Variants in AFG2B observed in about 807,000 individuals in gnomAD.
AFG2B encodes the protein ATPase family gene 2 protein homolog B.
At chr15:45,416,502 T>C in the AFG2B span, among the ~76,000 whole-genome samples, 1 of 152,194 alleles carries the variant, frequency 6.6e-6, no homozygotes, top group Non-Finnish European at 1.5e-5. Context: ...ATTTTAAAAA[T>C]TGTCATATGG....
At chr15:45,419,328 G>C in the AFG2B span, among the ~76,000 whole-genome samples, 1 of 152,008 alleles carries the variant, frequency 6.6e-6, no homozygotes, top group South Asian at 2.1e-4. Flanking sequence ...TCCCAGCTAC[G>C]TGGGGGACTA....
At chr15:45,414,776 C>T in the AFG2B span, 1 of 1,613,598 alleles carries the variant, frequency 6.2e-7, no homozygotes, top group Non-Finnish European at 8.5e-7. Flanking sequence ...AAAGTGTTGT[C>T]TCAGGTTTGT....
chr15:45,410,084 G>A, the AFG2B span, among the ~76,000 whole-genome samples: 1 of 152,168 alleles, frequency 6.6e-6, no homozygotes, highest in African/African-American at 2.4e-5. Context: ...AGTACAGGCT[G>A]ATATAGTATG....
the AFG2B span, among the ~76,000 whole-genome samples, chr15:45,410,028 G>T: frequency 2.0e-5 from 3 of 152,228 alleles, no homozygotes; most frequent in Admixed American, 2.0e-4. Flanking sequence ...ACGTAGAACT[G>T]TGTTAGTTGA....
the AFG2B span, among the ~76,000 whole-genome samples, chr15:45,411,445 G>C: frequency 6.6e-6 from 1 of 152,256 alleles, no homozygotes; most frequent in South Asian, 2.1e-4. Flanking sequence ...GCCCCACCAA[G>C]TAGCTGGGAC....
chr15:45,414,839 G>T, the AFG2B span: 1 of 1,429,928 alleles, frequency 7.0e-7, no homozygotes, highest in Non-Finnish European at 9.6e-7. Context: ...CATTTCTTAT[G>T]GACAAACCTT....
chr15:45,421,365 G>T, the AFG2B span: 1 of 472,208 alleles, frequency 2.1e-6, no homozygotes, highest in South Asian at 4.3e-5. Flanking sequence ...GATAAGCTAA[G>T]GCTCATTTAT....
chr15:45,404,077 A>G, the AFG2B span, among the ~76,000 whole-genome samples: 6 of 152,160 alleles, frequency 3.9e-5, no homozygotes, highest in African/African-American at 1.4e-4. Context: ...GTTGTCAGGG[A>G]GGTTGAATAT....
At chr15:45,418,823 A>G in the AFG2B span, 24 of 1,132,542 alleles carry the variant, frequency 2.1e-5, no homozygotes, top group Admixed American at 2.3e-4. Flanking sequence ...TCCCTCACAC[A>G]GCTTATTGTA....
the AFG2B span, chr15:45,415,637 A>T: frequency 6.2e-7 from 1 of 1,614,154 alleles, no homozygotes. Context: ...TTTTGGATGA[A>T]ATTGATTCAA....
the AFG2B span, among the ~76,000 whole-genome samples, chr15:45,409,374 C>CAAA: frequency 2.4e-5 from 2 of 83,624 alleles, no homozygotes. Context: ...GAGACCCCGC[C>CAAA]AAAAAAAAAA....
At chr15:45,414,700 T>C in the AFG2B span, 4 of 1,614,082 alleles carry the variant, frequency 2.5e-6, no homozygotes, top group Admixed American at 5.0e-5. Flanking sequence ...GGCCACAAGC[T>C]GTCACTGCTC....
the AFG2B span, chr15:45,410,604 C>T: frequency 7.0e-7 from 1 of 1,418,650 alleles, no homozygotes; most frequent in Non-Finnish European, 9.5e-7. Context: ...TGACAACATA[C>T]TGCGCTGAAA....
At chr15:45,402,669 C>T in the AFG2B span, 3 of 1,577,934 alleles carry the variant, frequency 1.9e-6, no homozygotes, top group South Asian at 1.1e-5. Flanking sequence ...TGTGCGCGAG[C>T]CCCGGGGCGG....
chr15:45,415,707 G>A, the AFG2B span: 1 of 1,614,120 alleles, frequency 6.2e-7, no homozygotes, highest in Non-Finnish European at 8.5e-7. Flanking sequence ...AGTTCTTTCT[G>A]TTCTCCTGAA....
chr15:45,420,123 C>T, the AFG2B span, among the ~76,000 whole-genome samples: 1 of 151,580 alleles, frequency 6.6e-6, no homozygotes, highest in Admixed American at 6.6e-5. Flanking sequence ...ATGTTATTTT[C>T]TGTCTGGTTC....
At chr15:45,404,283 C>T in the AFG2B span, among the ~76,000 whole-genome samples, 1 of 152,072 alleles carries the variant, frequency 6.6e-6, no homozygotes, top group Admixed American at 6.5e-5. Flanking sequence ...TCCTTAAGGG[C>T]AGGGACCTAG....
the AFG2B span, among the ~76,000 whole-genome samples, chr15:45,406,641 C>G: frequency 6.6e-6 from 1 of 152,164 alleles, no homozygotes; most frequent in African/African-American, 2.4e-5. Flanking sequence ...AATCCTTAAA[C>G]CCATTCAGGA....
chr15:45,405,583 T>G, the AFG2B span: 1 of 1,414,910 alleles, frequency 7.1e-7, no homozygotes, highest in African/African-American at 1.4e-5. Flanking sequence ...AAAAAAGCGG[T>G]GAGTACATTT....
Sources: allele counts gnomAD v4.1 joint callset (sites outside exome capture counted in the v4.1 genomes callset), GRCh38; gene constraint gnomAD v4.1.1; transcripts MANE v1.5; gene names NCBI Gene and HGNC (gene_info 2026-07-23, HGNC 2026-07-21).